PAK4: variants seen among roughly 807,000 people sequenced by gnomAD.
PAK4 encodes the protein p21 (RAC1) activated kinase 4, also known as serine/threonine-protein kinase PAK 4.
In PAK4, 49 loss-of-function variants were observed where a neutral mutation model predicts 53.5. The observed-to-expected ratio is 0.92, with a 90% confidence interval of 0.73 to 1.16. The LOEUF is 1.16. Ranked by LOEUF, PAK4 falls within the 50% of genes most tolerant of loss-of-function variation. The pLI is 0.00. For synonymous variants in PAK4, 376 were observed against 375.6 expected (o/e 1.00, Z -0.01); for missense variants, 824 against 850.7 (o/e 0.97, Z 0.39).
chr19:39,139,496 AG>A (rs1434505414), intron 1 of PAK4, among the ~76,000 whole-genome samples: 1 of 152,062 alleles, frequency 6.6e-6, no homozygotes, highest in African/African-American at 2.4e-5. Context: ...GCGAATGGGG[AG>A]GGGACTCTGG....
rs2074280171 is a variant in PAK4 at position 39,161,314 on chromosome 19, C to A, written c.-22-8218C>A. 6.6e-6 allele frequency among the ~76,000 whole-genome samples: 1 copy of A among 152,214 alleles called. No homozygotes were observed. Among genetic ancestry groups the A allele is most frequent in the Admixed American group, 6.5e-5 (1 of 15,284 alleles). ...GTAATGTGTGAGGCAACGCTGAGGG[C>A]CCTGGAGGGAACGGACCTAGGCTGA... On this transcript the variant is annotated intron_variant, in intron 1 of 8. Coordinates refer to ENST00000358301, the Ensembl canonical transcript of PAK4. This position sits in a 1 kb window ranked among gnomAD's most constrained non-coding sequence, Gnocchi z 4.5.
chr19:39,176,327 C>T (rs1529712), intron 6 of PAK4, among the ~76,000 whole-genome samples: 77,852 of 152,008 alleles, frequency 0.51, 20,863 homozygotes, highest in Non-Finnish European at 0.59. Flanking sequence ...AGTACTCAGG[C>T]CAGTGTCCCC....
intron 1 of PAK4, among the ~76,000 whole-genome samples, chr19:39,139,216 A>T (rs532629975): frequency 6.6e-6 from 1 of 152,238 alleles, no homozygotes; most frequent in East Asian, 1.9e-4. Flanking sequence ...ACCTCTGGGA[A>T]GCCTCCTCGG....
chr19:39,176,652 G>A lies in PAK4; in HGVS notation c.1422G>A (p.Ser474=), dbSNP rs56286946. 1.3e-3 allele frequency: 2,058 copies of A among 1,613,600 alleles called. 18 individuals are homozygous for A. The African/African-American group carries it at 0.024, about 19-fold the overall frequency. ...GCAAGGAAGTGCCCCGAAGGAAGTCGCTGGTCGGCACGCCCTACTGGATGG... is the reference window on the plus strand; with the variant it reads ...GCAAGGAAGTGCCCCGAAGGAAGTCACTGGTCGGCACGCCCTACTGGATGG... The change falls in exon 7 of 9, where the codon TCG becomes TCA. Residue 474 remains serine, a synonymous_variant. Coordinates refer to ENST00000358301, the Ensembl canonical transcript of PAK4.
intron 1 of PAK4, among the ~76,000 whole-genome samples, chr19:39,148,603 C>T (rs1481115264): frequency 6.7e-6 from 1 of 148,788 alleles, no homozygotes; most frequent in Non-Finnish European, 1.5e-5. Context: ...TAGGGAGGCG[C>T]CCACCACCAT....
intron 1 of PAK4, chr19:39,168,570 A>G (rs1182572482): frequency 6.6e-6 from 1 of 152,200 alleles, no homozygotes; most frequent in East Asian, 1.9e-4. Flanking sequence ...TCACGGCAGC[A>G]TGTGATGGAG....
Position 39,173,251 on chromosome 19 carries a change from C to T in PAK4, c.538C>T (p.Leu180Phe). 1 of 1,588,830 alleles carries T rather than the reference C, an allele frequency of 6.3e-7. No homozygotes were observed. The highest frequency in any genetic ancestry group is 1.1e-5 in the South Asian group (1 of 87,400). ...GGAGTCCTCCCGGGACAAACGCCCC[C>T]TCTCCGGGCCTGATGTCGGCACCCC... is the stretch of plus-strand genomic sequence containing the variant. The change falls in exon 3 of 9, where the codon CTC becomes TTC. Residue 180 changes from leucine to phenylalanine, a missense_variant. Physicochemically the swap from Leu to Phe is conservative, Grantham distance 22. This residue lies in a region of PAK4 where 478 missense variants were observed against 435.8 expected (regional missense o/e 1.10). Coordinates refer to ENST00000358301, the Ensembl canonical transcript of PAK4. The surrounding 1 kb of genome is among the most constrained non-coding windows in gnomAD (Gnocchi z 6.9).
chr19:39,173,619 G>T lies in PAK4; in HGVS notation c.707G>T (p.Gly236Val). 6.5e-7 allele frequency: 1 copy of T among 1,542,302 alleles called. No homozygotes were observed. Among genetic ancestry groups the T allele is most frequent in the Non-Finnish European group, 8.7e-7 (1 of 1,146,466 alleles). Residue 236 changes from glycine to valine, a missense_variant, in exon 4 of 9, where the codon GGC (glycine) becomes GTC (valine). Transcript: ENST00000358301. The surrounding 1 kb of genome is among the most constrained non-coding windows in gnomAD (Gnocchi z 6.9). ...GCCCCTAACGGGCCATCAGCGGGGG[G>T]CCTGGCCATCCCCCAGTCCTCCTCC...
At chr19:39,154,409 A>T (rs2074142413) in intron 1 of PAK4, among the ~76,000 whole-genome samples, 1 of 152,168 alleles carries the variant, frequency 6.6e-6, no homozygotes, top group Admixed American at 6.5e-5. Context: ...GTACCCATAC[A>T]CACACGTAGG....
At chr19:39,154,169 G>A (rs575002561) in intron 1 of PAK4, among the ~76,000 whole-genome samples, 224 of 152,104 alleles carry the variant, frequency 1.5e-3, no homozygotes, top group South Asian at 7.5e-3. Context: ...GTCTCTTCTC[G>A]CGTGTGCTCC....
chr19:39,127,270 C>T (rs1349557284), intron 1 of PAK4, among the ~76,000 whole-genome samples: 1 of 151,954 alleles, frequency 6.6e-6, no homozygotes, highest in Non-Finnish European at 1.5e-5. Flanking sequence ...ATGGCTCTGC[C>T]CATTTCTCCC....
chr19:39,175,928 A>G lies in PAK4; in HGVS notation c.1359+490A>G, dbSNP rs1450855628. On this transcript the variant is annotated intron_variant, in intron 6 of 8. Transcript: ENST00000358301. This position sits in a 1 kb window ranked among gnomAD's most constrained non-coding sequence, Gnocchi z 4.7. Reference sequence around the variant, plus strand: ...GTGGATGACTCCATCCCCTCCCCCAAGGAAGATTAAGCCACACCATTAGTC... The same window carrying G: ...GTGGATGACTCCATCCCCTCCCCCAGGGAAGATTAAGCCACACCATTAGTC... 6.6e-6 allele frequency among the ~76,000 whole-genome samples: 1 copy of G among 152,192 alleles called. No homozygotes were observed. Among genetic ancestry groups the G allele is most frequent in the African/African-American group, 2.4e-5 (1 of 41,448 alleles).
In PAK4 at chr19:39,173,367, G is replaced by C. The variant is rs2074528029; in HGVS notation, c.654G>C (p.Arg218=). ...GGGCTGACACGGACCACCCATCCCGGGGTGCCCAGGTAACCCATCCCCCGC... is the reference window on the plus strand; with the variant it reads ...GGGCTGACACGGACCACCCATCCCGCGGTGCCCAGGTAACCCATCCCCCGC... The change falls in exon 3 of 9, where the codon CGG becomes CGC. Residue 218 remains arginine, a synonymous_variant. Coordinates refer to ENST00000358301, the Ensembl canonical transcript of PAK4. The surrounding 1 kb of genome is among the most constrained non-coding windows in gnomAD (Gnocchi z 6.9). 6.5e-7 allele frequency: 1 copy of C among 1,529,472 alleles called. No homozygotes were observed. Among genetic ancestry groups the C allele is most frequent in the Non-Finnish European group, 8.8e-7 (1 of 1,136,662 alleles). The allele number at this position is 1,529,472 out of a possible 1,614,324, so 94.7% of individuals were successfully genotyped here.
At position 39,175,387 on chromosome 19, in the gene PAK4, C is replaced by A; in HGVS notation, c.1308C>A (p.Val436=). ...TGTCGGTGCTCCACGCCCAGGGCGT[C>A]ATCCACCGGGACATCAAGAGCGACT... is the stretch of plus-strand genomic sequence containing the variant. Residue 436 remains valine (V), a synonymous_variant, in exon 6 of 9, where the codon GTC becomes GTA. Coordinates refer to ENST00000358301, the Ensembl canonical transcript of PAK4. The surrounding 1 kb of genome is among the most constrained non-coding windows in gnomAD (Gnocchi z 4.7). The A allele has an allele frequency of 6.2e-7, 1 of 1,610,830 alleles. No individual in the cohort carries two copies. The highest frequency in any genetic ancestry group is 8.5e-7 in the Non-Finnish European group (1 of 1,178,988).
At chr19:39,159,073 G>C (rs891817118) in intron 1 of PAK4, among the ~76,000 whole-genome samples, 1 of 152,142 alleles carries the variant, frequency 6.6e-6, no homozygotes, top group Non-Finnish European at 1.5e-5. Flanking sequence ...CAGGAGGTAG[G>C]GACTATCACT....
intron 1 of PAK4, among the ~76,000 whole-genome samples, chr19:39,150,054 GTA>G (rs755226595): frequency 6.6e-5 from 10 of 152,190 alleles, no homozygotes; most frequent in Non-Finnish European, 1.2e-4. Flanking sequence ...CCACTGAATT[GTA>G]TACTTACAGA....
Position 39,173,713 on chromosome 19 carries a change from A to G in PAK4, c.801A>G (p.Ser267=), listed in dbSNP as rs1568528273. Residue 267 remains serine (S), a synonymous_variant, in exon 4 of 9, where the codon TCA becomes TCG. Coordinates refer to ENST00000358301, the Ensembl canonical transcript of PAK4. This position sits in a 1 kb window ranked among gnomAD's most constrained non-coding sequence, Gnocchi z 6.9. ...CTGGAGTGCTGGGACCCCACGCCTCAGAGCCCCAGCTGGCCCCTCCAGCCT... is the reference window on the plus strand; with the variant it reads ...CTGGAGTGCTGGGACCCCACGCCTCGGAGCCCCAGCTGGCCCCTCCAGCCT... 1 of 1,579,832 alleles carries G rather than the reference A, an allele frequency of 6.3e-7. No homozygotes were observed. The highest frequency in any genetic ancestry group is 2.3e-5 in the East Asian group (1 of 42,860).
intron 2 of PAK4, among the ~76,000 whole-genome samples, chr19:39,170,427 C>A (rs751970523): frequency 1.2e-4 from 18 of 152,246 alleles, no homozygotes; most frequent in Non-Finnish European, 2.4e-4. Context: ...TGTCTGTTTC[C>A]AAGGCCCGTG....
chr19:39,177,539 G>A (rs988827464), intron 7 of PAK4, 136 bp from the exon 9 acceptor site: 14 of 871,642 alleles, frequency 1.6e-5, no homozygotes, highest in Non-Finnish European at 2.3e-5. Flanking sequence ...CTGGCTGGGT[G>A]CCCAAGAGGG....
Sources: gnomAD v4.1 joint callset for allele counts (sites outside exome capture counted in the v4.1 genomes callset) on GRCh38, gnomAD v4.1.1 for gene constraint, gnomAD v4.1.1 regional missense constraint, Gnocchi (gnomAD v3.1) non-coding constraint, MANE v1.5 for transcripts, NCBI Gene and HGNC (gene_info 2026-07-23, HGNC 2026-07-21) for gene names.